Variants in NOL9 observed in about 807,000 individuals in gnomAD.
NOL9 encodes the protein polynucleotide 5'-hydroxyl-kinase NOL9.
In NOL9, 28 loss-of-function variants were observed where a neutral mutation model predicts 67.9. The observed-to-expected ratio is 0.41, with a 90% CI of 0.31 to 0.57. The LOEUF is 0.57. Ranked by LOEUF, NOL9 falls within the 20% of genes least tolerant of loss-of-function variation. NOL9 has a pLI of 0.25. For synonymous variants in NOL9, 356 were observed against 352.2 expected, an observed-to-expected ratio of 1.01 and a Z score of -0.12; for missense variants, 777 against 897.0, an observed-to-expected ratio of 0.87 and a Z score of 1.71.
At chr1:6,539,228 GA>G (rs1386830726) in intron 6 of NOL9, among the ~76,000 whole-genome samples, 2 of 152,182 alleles carry the variant, frequency 1.3e-5, no homozygotes, top group Non-Finnish European at 2.9e-5. Flanking sequence ...CAGCTACTGT[GA>G]AAAACAGTTT....
At chr1:6,527,418 G>A (rs191658278) in intron 10 of NOL9, among the ~76,000 whole-genome samples, 3 of 152,064 alleles carry the variant, frequency 2.0e-5, no homozygotes, top group East Asian at 1.9e-4. Flanking sequence ...AGGCTGAGGC[G>A]GGTACATCGA....
chr1:6,548,138 C>CTTTTTTTTTT (rs201835857), intron 3 of NOL9: 2 of 101,844 alleles, frequency 2.0e-5, no homozygotes, highest in East Asian at 3.0e-4. Flanking sequence ...ACTTAAAGTT[C>CTTTTTTTTTT]TTTTTTTTTT....
chr1:6,554,040 G>A (rs1412431111), intron 1 of NOL9, 67 bp downstream of exon 1: 2 of 1,350,826 alleles, frequency 1.5e-6, no homozygotes, highest in Non-Finnish European at 2.0e-6. Flanking sequence ...CTACCCTGCA[G>A]CTCTCCCGGG....
At chr1:6,544,384 G>A (rs1639368079) in intron 5 of NOL9, among the ~76,000 whole-genome samples, 1 of 62,230 alleles carries the variant, frequency 1.6e-5, no homozygotes, top group Admixed American at 1.6e-4. Flanking sequence ...AGCCAGGCAT[G>A]GTGGCCCATG....
At chr1:6,527,139 C>T (rs571016550) in intron 10 of NOL9, among the ~76,000 whole-genome samples, 1 of 151,128 alleles carries the variant, frequency 6.6e-6, no homozygotes, top group Non-Finnish European at 1.5e-5. Flanking sequence ...CCCAGCTACT[C>T]GGGAGGCCGA....
At chr1:6,551,596 AAAAT>A (rs1033991317) in intron 1 of NOL9, among the ~76,000 whole-genome samples, 2 of 151,846 alleles carry the variant, frequency 1.3e-5, no homozygotes, top group East Asian at 1.9e-4. Flanking sequence ...TACTGTCCCA[AAAAT>A]AAATAAATAA....
At chr1:6,549,216 C>G (rs1639487578) in intron 3 of NOL9, 1 of 180,064 alleles carries the variant, frequency 5.6e-6, no homozygotes, top group Admixed American at 5.8e-5. Flanking sequence ...GAGGTCGCAC[C>G]ACTGCACTCC....
In NOL9 at chr1:6,526,815, T is replaced by C. The variant is rs1391440174; in HGVS notation, c.1840A>G (p.Ile614Val). Residue 614 changes from isoleucine to valine, a missense_variant, in exon 11 of 12, where the codon ATT becomes GTT. Coordinates refer to ENST00000377705, the MANE Select transcript of NOL9 (RefSeq NM_024654.5). ...DCLGFGICRGIDMEKRLYHIL... is the reference protein window; with the variant it reads ...DCLGFGICRGVDMEKRLYHIL... The stretch of plus-strand genomic sequence containing the variant: ...TGGTACAGCCGCTTCTCCATGTCAA[T>C]GCCTCTACAGATGCCTTCAAGACAC... The C allele has an allele frequency of 3.1e-6, 5 of 1,610,960 alleles. No homozygotes were observed. Among genetic ancestry groups the C allele is most frequent in the Non-Finnish European group, 4.2e-6 (5 of 1,178,478 alleles).
intron 5 of NOL9, among the ~76,000 whole-genome samples, chr1:6,544,523 A>ACG (rs2148659633): frequency 7.9e-5 from 3 of 38,074 alleles, no homozygotes; most frequent in East Asian, 1.9e-3. Context: ...ACACACACAC[A>ACG]CACACGCACG....
At position 6,521,470 on chromosome 1, in the gene NOL9, C is replaced by T. The variant is rs1047199060; in HGVS notation, c.*4384G>A. On this transcript the variant is annotated 3_prime_UTR_variant, in exon 12 of 12. Transcript: ENST00000377705. Reference sequence around the variant, plus strand: ...CAGCAGAACCCCAGCTGAGACACCTCACAGTGTCAGTGATTACTATGTGGT... The same window carrying T: ...CAGCAGAACCCCAGCTGAGACACCTTACAGTGTCAGTGATTACTATGTGGT... 1.3e-5 allele frequency: 2 copies of T among 152,188 alleles called. No individual in the cohort carries two copies. The highest frequency in any genetic ancestry group is 4.8e-5 in the African/African-American group (2 of 41,434). 9.4% of individuals were successfully genotyped at this position (152,188 alleles called of 1,614,324 possible).
intron 6 of NOL9, among the ~76,000 whole-genome samples, chr1:6,537,802 C>A (rs1192867985): frequency 6.6e-6 from 1 of 151,566 alleles, no homozygotes; most frequent in East Asian, 1.9e-4. Flanking sequence ...AATATTAATT[C>A]AAAATGGATC....
intron 1 of NOL9, among the ~76,000 whole-genome samples, chr1:6,551,308 G>A (rs1290459191): frequency 2.6e-5 from 4 of 152,070 alleles, no homozygotes; most frequent in South Asian, 2.1e-4. Context: ...GGCCAGGCAC[G>A]GTGGCTCACG....
chr1:6,551,031 G>A (rs1326822004), intron 1 of NOL9, among the ~76,000 whole-genome samples: 5 of 152,230 alleles, frequency 3.3e-5, no homozygotes, highest in African/African-American at 1.2e-4. Context: ...GGCAGGTAAG[G>A]CCAGGCACAG....
chr1:6,531,890 A>G, intron 9 of NOL9, 78 bp downstream of exon 9: 1 of 1,060,718 alleles, frequency 9.4e-7, no homozygotes, highest in Non-Finnish European at 1.5e-6. Flanking sequence ...TGTAGTGGTT[A>G]GGAGAGCGCC....
intron 7 of NOL9, 128 bp from the exon 8 acceptor site, chr1:6,532,888 T>G: frequency 1.1e-6 from 1 of 941,134 alleles, no homozygotes; most frequent in South Asian, 1.8e-5. Flanking sequence ...TACGTTGGAC[T>G]TCGGCTGGGC....
rs867869679 is a variant in NOL9 at position 6,523,452 on chromosome 1, G to A, written c.*2402C>T. ...AAATCAGCCAGGCATGGTGGCGCAT[G>A]CCTGTAATCCCAGCTACTCGGGAGG... On this transcript the variant is annotated 3_prime_UTR_variant, in exon 12 of 12. Coordinates refer to ENST00000377705, the MANE Select transcript of NOL9 (RefSeq NM_024654.5). 4 of 150,614 alleles carry A rather than the reference G, an allele frequency of 2.7e-5. No individual in the cohort carries two copies. Among genetic ancestry groups the A allele is most frequent in the Non-Finnish European group, 4.4e-5 (3 of 67,612 alleles). 9.3% of individuals were successfully genotyped at this position (150,614 alleles called of 1,614,324 possible).
At chr1:6,547,211 C>T (rs527687827) in intron 3 of NOL9, among the ~76,000 whole-genome samples, 6 of 152,178 alleles carry the variant, frequency 3.9e-5, no homozygotes, top group South Asian at 2.1e-4. Context: ...CTGCTGAAGG[C>T]TCCCATATTT....
At chr1:6,550,666 C>T in intron 1 of NOL9, 51 bp from the exon 2 acceptor site, 2 of 1,087,394 alleles carry the variant, frequency 1.8e-6, no homozygotes, top group Non-Finnish European at 1.4e-6. Context: ...TCACTAATGA[C>T]TGAAACATTC....
rs919677719 is a variant in NOL9 at position 6,544,808 on chromosome 1, T to C, written c.977+18A>G. On this transcript the variant is annotated intron_variant, in intron 5 of 11. Transcript: ENST00000377705. ...AAAACCTAGCAATGTGTCAAAGCCA[T>C]AAGAAAAGCACTCTTACCTATTTAA... 3 of 1,613,160 alleles carry C rather than the reference T, an allele frequency of 1.9e-6. No homozygotes were observed. Among genetic ancestry groups the C allele is most frequent in the East Asian group, 2.2e-5 (1 of 44,870 alleles).
Sources: allele counts gnomAD v4.1 joint callset (sites outside exome capture counted in the v4.1 genomes callset), GRCh38; gene constraint gnomAD v4.1.1; transcripts MANE v1.5; gene names NCBI Gene and HGNC (gene_info 2026-07-23, HGNC 2026-07-21).